The following NR6A1 variants were observed in gnomAD, a reference collection of about 807,000 sequenced individuals.
The protein encoded by NR6A1 is nuclear receptor subfamily 6 group A member 1, also known as retinoic acid receptor-related testis-associated receptor.
A neutral mutation model predicts 59.1 loss-of-function variants in NR6A1; 7 were observed. The ratio of observed to expected loss-of-function variants is 0.12; its 90% CI spans 0.07 to 0.22. The LOEUF (loss-of-function observed/expected upper bound fraction) is 0.22, where lower values mean the gene tolerates loss of function less well. NR6A1 is among the 10% of genes least tolerant of loss of function. The pLI, the probability that NR6A1 is intolerant of heterozygous loss-of-function variation, is 1.00. For synonymous variants in NR6A1, 243 were observed against 236.1 expected (o/e 1.03, Z -0.27); for missense variants, 468 against 611.6 (o/e 0.77, Z 2.48).
chr9:124,666,328 G>C (rs561379488), intron 2 of NR6A1, among the ~76,000 whole-genome samples: 12 of 144,202 alleles, frequency 8.3e-5, no homozygotes, highest in Non-Finnish European at 1.6e-4. Flanking sequence ...GCCCAGGCTG[G>C]AGTGTAGTAG....
At chr9:124,606,978 G>A (rs1588705030) in intron 2 of NR6A1, among the ~76,000 whole-genome samples, 1 of 152,092 alleles carries the variant, frequency 6.6e-6, no homozygotes, top group Non-Finnish European at 1.5e-5. Flanking sequence ...TCAGGTTTTT[G>A]TTAGTTTAAC....
In NR6A1 at chr9:124,612,313, A is replaced by C. The variant is rs1835771476; in HGVS notation, c.143-57743T>G. Among the ~76,000 whole-genome samples, 7 of 152,198 alleles carry C rather than the reference A, an allele frequency of 4.6e-5. No individual in the cohort carries two copies. In the South Asian group the frequency reaches 1.2e-3, roughly 27 times the overall value. On this transcript the variant is annotated intron_variant, in intron 2 of 9. Transcript: ENST00000487099. ...TTGGAACAAAAGACAAGACTTATGC[A>C]GACCCTCCATAGAACTGACCCCGGG...
chr9:124,707,648 G>A (rs1369087389), intron 2 of NR6A1, among the ~76,000 whole-genome samples: 1 of 151,972 alleles, frequency 6.6e-6, no homozygotes, highest in Non-Finnish European at 1.5e-5. Context: ...CCCCCACTAA[G>A]GTTGGTGGTG....
At chr9:124,585,203 T>C (rs1289906368) in intron 2 of NR6A1, among the ~76,000 whole-genome samples, 1 of 151,940 alleles carries the variant, frequency 6.6e-6, no homozygotes, top group African/African-American at 2.4e-5. Flanking sequence ...CTAGCAGAGG[T>C]TGGCTCACGA....
intron 2 of NR6A1, among the ~76,000 whole-genome samples, chr9:124,638,202 G>A (rs75138741): frequency 0.013 from 1,950 of 151,858 alleles, 35 homozygotes; most frequent in African/African-American, 0.045. Flanking sequence ...GTTACAGTGA[G>A]CTATGATCAC....
chr9:124,749,367 C>T (rs186920524), intron 1 of NR6A1, among the ~76,000 whole-genome samples: 41 of 152,092 alleles, frequency 2.7e-4, no homozygotes, highest in African/African-American at 8.0e-4. Context: ...ATCTAAACCA[C>T]TTTGCAGCAG....
chr9:124,766,913 A>C (rs1564273883), intron 1 of NR6A1, among the ~76,000 whole-genome samples: 4 of 152,218 alleles, frequency 2.6e-5, no homozygotes, highest in African/African-American at 4.8e-5. Context: ...TGAAGTGGTA[A>C]ATCTTCCCAC....
At position 124,730,083 on chromosome 9, in the gene NR6A1, G is replaced by A. The variant is rs140985524; in HGVS notation, c.142+3225C>T. ...CTGCCTCAGCCTCCCGAAGTGCTGG[G>A]ATTACAGGCGTGAGCCACCACGCCT... is the stretch of plus-strand genomic sequence containing the variant. On this transcript the variant is annotated intron_variant, in intron 2 of 9. Coordinates refer to ENST00000487099, the MANE Select transcript of NR6A1 (RefSeq NM_033334.4). Among the ~76,000 whole-genome samples the A allele has an allele frequency of 5.8e-3, 889 of 152,194 alleles. 8 individuals carry two copies. The highest frequency in any genetic ancestry group is 8.7e-3 in the South Asian group (42 of 4,812).
At position 124,538,079 on chromosome 9, in the gene NR6A1, G is replaced by A. The variant is rs765077250; in HGVS notation, c.824+13C>T. 53 of 1,592,812 alleles carry A rather than the reference G, an allele frequency of 3.3e-5. No individual in the cohort carries two copies. Among genetic ancestry groups the A allele is most frequent in the South Asian group, 1.6e-4 (14 of 86,490 alleles). On this transcript the variant is annotated intron_variant, in intron 6 of 9. Transcript: ENST00000487099. ...GAGACTGCAAGGGGCCAAGAAGGGCGGAGCTCACTCACCCATCTTCAATCA... is the reference window on the plus strand; with the variant it reads ...GAGACTGCAAGGGGCCAAGAAGGGCAGAGCTCACTCACCCATCTTCAATCA...
chr9:124,580,272 C>A (rs1834724047), intron 2 of NR6A1, among the ~76,000 whole-genome samples: 1 of 152,064 alleles, frequency 6.6e-6, no homozygotes, highest in South Asian at 2.1e-4. Flanking sequence ...AACAATATGC[C>A]AGTTTCAAAA....
intron 2 of NR6A1, among the ~76,000 whole-genome samples, chr9:124,588,511 T>A (rs942746272): frequency 6.6e-6 from 1 of 151,274 alleles, no homozygotes; most frequent in East Asian, 2.0e-4. Flanking sequence ...GGTTTCACCC[T>A]GTTAGCCAGG....
chr9:124,760,457 G>A (rs745505726), intron 1 of NR6A1, among the ~76,000 whole-genome samples: 2 of 152,126 alleles, frequency 1.3e-5, no homozygotes, highest in Non-Finnish European at 2.9e-5. Context: ...ATAGATAAAT[G>A]CCCCAGATTC....
chr9:124,741,180 T>G (rs1840163550), intron 1 of NR6A1, among the ~76,000 whole-genome samples: 1 of 152,226 alleles, frequency 6.6e-6, no homozygotes, highest in South Asian at 2.1e-4. Context: ...ATTTTTAACT[T>G]TACTCTTAAT....
chr9:124,726,352 A>G (rs1839718029), intron 2 of NR6A1, among the ~76,000 whole-genome samples: 1 of 152,150 alleles, frequency 6.6e-6, no homozygotes, highest in African/African-American at 2.4e-5. Context: ...CTACATTAGC[A>G]TATTTCTCAT....
chr9:124,550,176 G>C (rs1833729169), intron 3 of NR6A1, among the ~76,000 whole-genome samples: 1 of 152,008 alleles, frequency 6.6e-6, no homozygotes, highest in African/African-American at 2.4e-5. Context: ...TGTTTTATTG[G>C]TACTGTTAAT....
At chr9:124,563,619 C>A (rs1238765565) in intron 2 of NR6A1, among the ~76,000 whole-genome samples, 1 of 152,236 alleles carries the variant, frequency 6.6e-6, no homozygotes, top group Non-Finnish European at 1.5e-5. Flanking sequence ...ATTTGTTACA[C>A]TGAATCACTC....
At chr9:124,668,971 A>C (rs568085282) in intron 2 of NR6A1, among the ~76,000 whole-genome samples, 1 of 152,358 alleles carries the variant, frequency 6.6e-6, no homozygotes, top group South Asian at 2.1e-4. Context: ...TGAAATAAAC[A>C]TAAGTAGGGA....
chr9:124,695,976 G>A (rs1279756497), intron 2 of NR6A1, among the ~76,000 whole-genome samples: 1 of 152,000 alleles, frequency 6.6e-6, no homozygotes, highest in Non-Finnish European at 1.5e-5. Context: ...CAAGAAGGGA[G>A]ACAATTATGT....
At chr9:124,600,380 T>TA (rs1311088589) in intron 2 of NR6A1, among the ~76,000 whole-genome samples, 1 of 152,170 alleles carries the variant, frequency 6.6e-6, no homozygotes, top group African/African-American at 2.4e-5. Context: ...TGAGAGCAAC[T>TA]AAGAACATCC....
Sources: gnomAD v4.1 joint callset for allele counts (sites outside exome capture counted in the v4.1 genomes callset) on GRCh38, gnomAD v4.1.1 for gene constraint, MANE v1.5 for transcripts, NCBI Gene and HGNC (gene_info 2026-07-23, HGNC 2026-07-21) for gene names.